The following THSD7B variants were observed in gnomAD, a reference collection of about 807,000 sequenced individuals.
THSD7B encodes thrombospondin type 1 domain containing 7B.
Under a neutral mutation model 213.6 loss-of-function variants are expected in THSD7B, and 138 were observed. That is an observed-to-expected ratio of 0.65 (90% CI 0.56 to 0.74). The LOEUF (loss-of-function observed/expected upper bound fraction) is 0.74. THSD7B is among the 30% of genes least tolerant of loss of function. THSD7B has a pLI of 0.00. For missense variants in THSD7B, 1,931 were observed against 1,991.5 expected, an observed-to-expected ratio of 0.97 and a Z score of 0.58; for synonymous variants, 742 against 687.0, an observed-to-expected ratio of 1.08 and a Z score of -1.25.
intron 1 of THSD7B, among the ~76,000 whole-genome samples, chr2:136,826,090 A>G (rs1682643023): frequency 6.6e-6 from 1 of 152,196 alleles, no homozygotes; most frequent in African/African-American, 2.4e-5. Context: ...AAAAGGACTC[A>G]TTATACATAA....
At chr2:136,771,382 A>G (rs1681501756) in intron 1 of THSD7B, among the ~76,000 whole-genome samples, 1 of 152,106 alleles carries the variant, frequency 6.6e-6, no homozygotes, top group African/African-American at 2.4e-5. Context: ...TCCCTGAAAA[A>G]CGTAACTTAA....
intron 22 of THSD7B, among the ~76,000 whole-genome samples, chr2:137,656,329 TTTC>T (rs1683235830): frequency 6.6e-6 from 1 of 152,046 alleles, no homozygotes; most frequent in African/African-American, 2.4e-5. Context: ...ATAAATTATA[TTTC>T]TTGAGTGAGA....
rs1328042153 is a variant in THSD7B, at chr2:137,362,467, G to GTA, written c.2501-43145_2501-43144insAT. Among the ~76,000 whole-genome samples the GTA allele has an allele frequency of 2.8e-5, 4 of 144,166 alleles. No homozygotes were observed. The East Asian group carries it at 7.7e-4, about 28-fold the overall frequency. The allele number at this position is 144,166 out of a possible 152,430, so 94.6% of individuals were successfully genotyped here. On this transcript the variant is annotated intron_variant, in intron 12 of 27. Coordinates refer to ENST00000409968, the MANE Select transcript of THSD7B (RefSeq NM_001316349.2). ...TTGGATAAAGAGTCAAGACCCATCA[G>GTA]TGCGTTGTATTCAGGAGACCCATCT...
chr2:137,557,271 A>G (rs192223245), intron 15 of THSD7B, among the ~76,000 whole-genome samples: 2 of 152,322 alleles, frequency 1.3e-5, no homozygotes, highest in Admixed American at 6.5e-5. Flanking sequence ...ACCTATTCCT[A>G]AATTGAGCAC....
intron 2 of THSD7B, among the ~76,000 whole-genome samples, chr2:136,954,024 C>T (rs1685082537): frequency 1.3e-5 from 2 of 152,308 alleles, no homozygotes; most frequent in South Asian, 4.1e-4. Context: ...CTAGATGTCT[C>T]AGTTATTCAC....
intron 7 of THSD7B, among the ~76,000 whole-genome samples, chr2:137,210,716 A>G (rs1011718192): frequency 6.6e-5 from 10 of 152,026 alleles, no homozygotes; most frequent in Admixed American, 5.9e-4. Context: ...TGCACCAATA[A>G]ACATTAATTT....
At chr2:137,053,551 T>C (rs2104873761) in intron 2 of THSD7B, among the ~76,000 whole-genome samples, 1 of 150,502 alleles carries the variant, frequency 6.6e-6, no homozygotes, top group South Asian at 2.1e-4. Flanking sequence ...AGAGATAGCT[T>C]ATTTTGAAAG....
chr2:137,620,805 C>A, intron 20 of THSD7B, 79 bp downstream of exon 20: 2 of 1,255,656 alleles, frequency 1.6e-6, no homozygotes, highest in Non-Finnish European at 1.2e-6. Context: ...TGATAAATGG[C>A]ATAAGGTATG....
chr2:137,460,114 C>T (rs1175089190), intron 15 of THSD7B, among the ~76,000 whole-genome samples: 1 of 152,130 alleles, frequency 6.6e-6, no homozygotes, highest in Non-Finnish European at 1.5e-5. Context: ...AGTACCCTTC[C>T]ATTTTACAGA....
intron 5 of THSD7B, among the ~76,000 whole-genome samples, chr2:137,141,490 ACACT>A (rs1337641190): frequency 4.8e-4 from 21 of 44,088 alleles, no homozygotes; most frequent in African/African-American, 1.5e-3. Flanking sequence ...GTGCACACAC[ACACT>A]CACACACACA....
chr2:136,940,711 G>A lies in THSD7B; in HGVS notation c.139+58394G>A, dbSNP rs996150823. Among the ~76,000 whole-genome samples, 18 of 138,162 alleles carry A rather than the reference G, an allele frequency of 1.3e-4. No individual in the cohort carries two copies. The East Asian group carries it at 1.3e-3, about 10-fold the overall frequency. 90.6% of individuals were successfully genotyped at this position (138,162 alleles called of 152,430 possible). ...CTGGCTGAGACATACGTGTGTGTGT[G>A]TATATATATATATATAATATATATA... is the stretch of plus-strand genomic sequence containing the variant. On this transcript the variant is annotated intron_variant, in intron 2 of 27. Transcript: ENST00000409968.
chr2:137,672,856 C>T (rs1203226076), intron 27 of THSD7B, among the ~76,000 whole-genome samples: 2 of 152,160 alleles, frequency 1.3e-5, no homozygotes, highest in East Asian at 3.9e-4. Context: ...TTTGGAGTTT[C>T]AGAAATATTA....
chr2:137,214,470 G>A (rs1233968446), intron 7 of THSD7B, among the ~76,000 whole-genome samples: 3 of 152,092 alleles, frequency 2.0e-5, no homozygotes, highest in East Asian at 1.9e-4. Context: ...TCTGGGATAC[G>A]TGTGCAGAAC....
chr2:137,313,892 G>A (rs1054367925), intron 12 of THSD7B, among the ~76,000 whole-genome samples: 1 of 152,162 alleles, frequency 6.6e-6, no homozygotes, highest in Non-Finnish European at 1.5e-5. Flanking sequence ...AGTCTGATGG[G>A]CTTCCCTTTG....
chr2:136,958,708 T>C (rs920680109), intron 2 of THSD7B, among the ~76,000 whole-genome samples: 2 of 152,202 alleles, frequency 1.3e-5, no homozygotes, highest in African/African-American at 2.4e-5. Flanking sequence ...ATTCTGAGCA[T>C]TGTTGGTGAG....
intron 2 of THSD7B, among the ~76,000 whole-genome samples, chr2:136,923,361 C>A (rs1372556880): frequency 2.6e-5 from 4 of 152,158 alleles, no homozygotes; most frequent in Non-Finnish European, 5.9e-5. Context: ...TGATAGACAT[C>A]TGGGTTGCTT....
chr2:137,489,418 C>G (rs1164095030), intron 15 of THSD7B, among the ~76,000 whole-genome samples: 2 of 147,062 alleles, frequency 1.4e-5, no homozygotes, highest in East Asian at 3.9e-4. Flanking sequence ...AAGACTCCAT[C>G]TCAAAAAAAA....
In THSD7B at chr2:137,334,408, C is replaced by A. The variant is rs149161004; in HGVS notation, c.2500+58382C>A. Among the ~76,000 whole-genome samples the A allele has an allele frequency of 1.3e-3, 200 of 152,252 alleles. 1 individual carries two copies. Among genetic ancestry groups the A allele is most frequent in the Admixed American group, 3.2e-3 (49 of 15,298 alleles). On this transcript the variant is annotated intron_variant, in intron 12 of 27. Transcript: ENST00000409968. ...AAGTGATGGGAGAAGGGAGAATAGA[C>A]CCTGCCTTTATTTTTCTCCACACCC...
At chr2:136,777,343 G>A (rs1468870089) in intron 1 of THSD7B, among the ~76,000 whole-genome samples, 1 of 152,088 alleles carries the variant, frequency 6.6e-6, no homozygotes, top group Non-Finnish European at 1.5e-5. Flanking sequence ...TCCAGTTACT[G>A]CCTCATCTCT....
Sources: allele counts gnomAD v4.1 joint callset (sites outside exome capture counted in the v4.1 genomes callset), GRCh38; gene constraint gnomAD v4.1.1; transcripts MANE v1.5; gene names NCBI Gene and HGNC (gene_info 2026-07-23, HGNC 2026-07-21).